The following CELF2 variants were observed in gnomAD, a reference collection of about 807,000 sequenced individuals.
CELF2 encodes the protein CUG triplet repeat RNA-binding protein 2.
CELF2 carries 8 observed loss-of-function variants against 62.6 expected under a neutral mutation model. The ratio of observed to expected loss-of-function variants is 0.13; its 90% CI spans 0.07 to 0.23. The LOEUF (loss-of-function observed/expected upper bound fraction) is 0.23, where lower values mean the gene tolerates loss of function less well. Among genes scored for constraint, CELF2 ranks in the 10% least tolerant of loss-of-function variants. CELF2 has a pLI of 1.00. For missense variants in CELF2, 333 were observed against 671.0 expected (o/e 0.50, Z 5.56); for synonymous variants, 258 against 250.0 (o/e 1.03, Z -0.30).
Position 11,305,088 on chromosome 10 carries a change from T to C in CELF2, c.977-9051T>C, listed in dbSNP as rs1173832640. Among the ~76,000 whole-genome samples, 1 of 152,178 alleles carries C rather than the reference T, an allele frequency of 6.6e-6. No homozygotes were observed. The highest frequency in any genetic ancestry group is 1.5e-5 in the Non-Finnish European group (1 of 68,034). On this transcript the variant is annotated intron_variant, in intron 9 of 12. Coordinates refer to ENST00000633077, the MANE Select transcript of CELF2 (RefSeq NM_001326342.2). The surrounding 1 kb of genome is among the most constrained non-coding windows in gnomAD (Gnocchi z 4.8). ...CCTCCTCCAGCCCTGGCCCAGTGGA[T>C]ACAGGTCCTTCCCAGTTCTACCAGT...
chr10:10,888,783 C>T (rs1032257491), intron 1 of CELF2, among the ~76,000 whole-genome samples: 1 of 152,192 alleles, frequency 6.6e-6, no homozygotes, highest in Non-Finnish European at 1.5e-5. Context: ...TACCATCTCT[C>T]GCCAAAATTA....
the CELF2 span, among the ~76,000 whole-genome samples, chr10:10,577,088 A>C: frequency 6.6e-6 from 1 of 152,334 alleles, no homozygotes; most frequent in Middle Eastern, 3.4e-3. Flanking sequence ...ATCTTGAGAA[A>C]GTCCATAAGC....
chr10:10,707,775 CCTATAAA>C, the CELF2 span, among the ~76,000 whole-genome samples: 13 of 152,086 alleles, frequency 8.5e-5, no homozygotes, highest in Admixed American at 2.0e-4. Flanking sequence ...TGCCTGAGAT[CCTATAAA>C]CTATAAACTG....
intron 1 of CELF2, chr10:10,798,838 C>T: frequency 2.5e-6 from 1 of 398,912 alleles, no homozygotes; most frequent in Admixed American, 4.4e-5. Context: ...TTTGCTTTCT[C>T]TTGCATCCTG....
Position 11,159,284 on chromosome 10 carries a change from A to G in CELF2, c.75-6202A>G, listed in dbSNP as rs2065168226. 6.6e-6 allele frequency among the ~76,000 whole-genome samples: 1 copy of G among 152,244 alleles called. No homozygotes were observed. The highest frequency in any genetic ancestry group is 1.5e-5 in the Non-Finnish European group (1 of 68,038). The stretch of plus-strand genomic sequence containing the variant: ...CCAAAACATTTTGTTAAATTTACCC[A>G]AAGTTTTCAGCAGCCCTGGATGCCA... On this transcript the variant is annotated intron_variant, in intron 1 of 12. Transcript: ENST00000633077. This position sits in a 1 kb window ranked among gnomAD's most constrained non-coding sequence, Gnocchi z 5.0.
chr10:10,897,285 AG>A (rs1407676850), intron 1 of CELF2, among the ~76,000 whole-genome samples: 2 of 152,148 alleles, frequency 1.3e-5, no homozygotes, highest in African/African-American at 2.4e-5. Context: ...ATGAGAGGAA[AG>A]GGGATGCTTT....
chr10:10,888,052 C>T (rs868748662), intron 1 of CELF2, among the ~76,000 whole-genome samples: 2 of 152,152 alleles, frequency 1.3e-5, no homozygotes, highest in East Asian at 3.8e-4. Flanking sequence ...GGATTACAGG[C>T]GTGAGCCACC....
chr10:10,490,370 G>A, the CELF2 span, among the ~76,000 whole-genome samples: 5 of 152,258 alleles, frequency 3.3e-5, no homozygotes, highest in African/African-American at 1.2e-4. Context: ...ATGTGATTCT[G>A]TGGAAAATGC....
chr10:10,656,264 C>G, the CELF2 span, among the ~76,000 whole-genome samples: 1 of 151,422 alleles, frequency 6.6e-6, no homozygotes, highest in African/African-American at 2.4e-5. Flanking sequence ...CACTTTTACC[C>G]TGTTGGTGGG....
At chr10:10,835,689 A>G (rs2058233969) in intron 1 of CELF2, among the ~76,000 whole-genome samples, 1 of 152,100 alleles carries the variant, frequency 6.6e-6, no homozygotes. Flanking sequence ...AGCCCAGCAG[A>G]TTGATTTTTA....
At chr10:11,286,108 C>G (rs976791882) in intron 8 of CELF2, among the ~76,000 whole-genome samples, 1 of 152,184 alleles carries the variant, frequency 6.6e-6, no homozygotes. Flanking sequence ...GGGCAGAAGG[C>G]TCTGCCAAGG....
the CELF2 span, among the ~76,000 whole-genome samples, chr10:10,464,898 G>A: frequency 4.6e-5 from 7 of 152,192 alleles, no homozygotes; most frequent in South Asian, 4.1e-4. Flanking sequence ...CTAAGGATAC[G>A]TAATATCAGT....
chr10:10,796,353 G>C (rs1050071550), upstream of CELF2, among the ~76,000 whole-genome samples: 1 of 152,186 alleles, frequency 6.6e-6, no homozygotes, highest in African/African-American at 2.4e-5. Flanking sequence ...AGCTACTACT[G>C]TATCTGTTTC....
intron 1 of CELF2, among the ~76,000 whole-genome samples, chr10:10,855,894 T>C (rs7913614): frequency 0.25 from 38,317 of 151,998 alleles, 4,887 homozygotes; most frequent in South Asian, 0.31. Context: ...CTACTATGTG[T>C]GATGATTCTA....
intron 1 of CELF2, among the ~76,000 whole-genome samples, chr10:10,881,527 C>T (rs1273878931): frequency 1.3e-5 from 2 of 152,106 alleles, no homozygotes; most frequent in African/African-American, 4.8e-5. Flanking sequence ...GTAAACCCAC[C>T]CTCCAGATTT....
At chr10:10,617,252 T>C in the CELF2 span, among the ~76,000 whole-genome samples, 2 of 152,124 alleles carry the variant, frequency 1.3e-5, no homozygotes, top group Admixed American at 6.5e-5. Context: ...AATGCCAAAA[T>C]AATAGTTAAC....
intron 2 of CELF2, among the ~76,000 whole-genome samples, chr10:10,998,554 C>G (rs1365107747): frequency 2.0e-5 from 3 of 152,100 alleles, no homozygotes; most frequent in Non-Finnish European, 4.4e-5. Flanking sequence ...TTAATAGCTT[C>G]CAGTGATTTG....
chr10:11,231,243 A>G (rs1411785159), intron 3 of CELF2, among the ~76,000 whole-genome samples: 1 of 152,216 alleles, frequency 6.6e-6, no homozygotes, highest in African/African-American at 2.4e-5. Flanking sequence ...TGTAGCTACA[A>G]CAAACATCCT....
intron 2 of CELF2, among the ~76,000 whole-genome samples, chr10:11,175,949 G>A (rs1053621304): frequency 4.6e-5 from 7 of 152,170 alleles, no homozygotes; most frequent in African/African-American, 1.4e-4. Context: ...CAATTACCTC[G>A]AAATGTAAAA....
Sources: allele counts gnomAD v4.1 joint callset (sites outside exome capture counted in the v4.1 genomes callset), GRCh38; gene constraint gnomAD v4.1.1; non-coding constraint Gnocchi (gnomAD v3.1); transcripts MANE v1.5; gene names NCBI Gene and HGNC (gene_info 2026-07-23, HGNC 2026-07-21).